The following SRGAP2 variants were observed in gnomAD, a reference collection of about 807,000 sequenced individuals.
SRGAP2 encodes the protein SLIT-ROBO Rho GTPase activating protein 2, also known as SLIT-ROBO Rho GTPase-activating protein 2.
Under a neutral mutation model 57.2 loss-of-function variants are expected in SRGAP2, and 15 were observed. The ratio of observed to expected loss-of-function variants is 0.26; its 90% CI spans 0.18 to 0.40. SRGAP2 has a LOEUF of 0.40. Ranked by LOEUF, SRGAP2 falls within the 10% of genes least tolerant of loss-of-function variation. SRGAP2 has a pLI of 1.00. For synonymous variants in SRGAP2, 249 were observed against 248.0 expected (o/e 1.00, Z -0.04); for missense variants, 520 against 669.6 (o/e 0.78, Z 2.47).
intron 19 of SRGAP2, among the ~76,000 whole-genome samples, chr1:206,452,695 TG>T (rs1663423891): frequency 6.6e-6 from 1 of 152,110 alleles, no homozygotes; most frequent in Middle Eastern, 3.4e-3. Flanking sequence ...AAGACCATCC[TG>T]GCTAACATGG....
At chr1:206,415,352 T>A (rs1346783428) in intron 10 of SRGAP2, among the ~76,000 whole-genome samples, 1 of 152,208 alleles carries the variant, frequency 6.6e-6, no homozygotes, top group African/African-American at 2.4e-5. Context: ...TCCGAAGCTT[T>A]CCATAAAGAC....
rs1428452107 is a variant in SRGAP2 at position 206,248,527 on chromosome 1, G to C, written c.67+42490G>C. ...ACCAGATGCTTTTTGGTCTCCCAAA[G>C]ACCTATCAAACTGCAGATCTTTTGG... On this transcript the variant is annotated intron_variant, in intron 2 of 22. Coordinates refer to ENST00000573034, the MANE Select transcript of SRGAP2 (RefSeq NM_015326.5). Among the ~76,000 whole-genome samples, 11 of 152,236 alleles carry C rather than the reference G, an allele frequency of 7.2e-5. No individual in the cohort carries two copies. The East Asian group carries it at 7.7e-4, about 11-fold the overall frequency.
chr1:206,449,127 G>A (rs1663024444), intron 18 of SRGAP2, among the ~76,000 whole-genome samples: 1 of 152,186 alleles, frequency 6.6e-6, no homozygotes, highest in African/African-American at 2.4e-5. Context: ...ACTACCAGAG[G>A]AAGAACTTTA....
chr1:206,210,596 T>TTG (rs1666257339), intron 2 of SRGAP2, among the ~76,000 whole-genome samples: 1 of 150,066 alleles, frequency 6.7e-6, no homozygotes, highest in South Asian at 2.1e-4. Flanking sequence ...TGGAGTCGTA[T>TTG]TGTGTGTGTA....
chr1:206,290,316 A>T (rs1162342509), intron 2 of SRGAP2, among the ~76,000 whole-genome samples: 5 of 152,194 alleles, frequency 3.3e-5, no homozygotes, highest in Non-Finnish European at 7.3e-5. Context: ...AAGTTAAAGG[A>T]TCAAAGAACC....
intron 19 of SRGAP2, among the ~76,000 whole-genome samples, chr1:206,452,737 T>G (rs1663429733): frequency 6.6e-6 from 1 of 151,812 alleles, no homozygotes; most frequent in African/African-American, 2.4e-5. Context: ...ATACAAAAAA[T>G]TAGCTGGGCG....
intron 11 of SRGAP2, among the ~76,000 whole-genome samples, chr1:206,418,202 G>A (rs1362565938): frequency 1.3e-5 from 2 of 152,106 alleles, no homozygotes; most frequent in Admixed American, 6.5e-5. Context: ...TGTTCTTGCC[G>A]TAGAGGGATA....
At chr1:206,359,841 C>G (rs1262870664) in intron 4 of SRGAP2, among the ~76,000 whole-genome samples, 1 of 106,412 alleles carries the variant, frequency 9.4e-6, no homozygotes, top group Non-Finnish European at 1.7e-5. Flanking sequence ...GAGTCTCGCT[C>G]TGTCGCCCAG....
chr1:206,303,633 T>C (rs1461603818), intron 3 of SRGAP2, among the ~76,000 whole-genome samples, 160 bp downstream of exon 3: 3 of 152,348 alleles, frequency 2.0e-5, no homozygotes, highest in Non-Finnish European at 2.9e-5. Context: ...ATCAGTCTTA[T>C]GTGCAATTCA....
At chr1:206,287,092 G>T (rs1158326576) in intron 2 of SRGAP2, among the ~76,000 whole-genome samples, 68,800 of 151,902 alleles carry the variant, frequency 0.45, 15,782 homozygotes, top group East Asian at 0.69. Context: ...GACTCATTTT[G>T]AAGGTGGAGC....
chr1:206,443,750 G>A (rs933250677), intron 17 of SRGAP2, among the ~76,000 whole-genome samples: 6 of 152,182 alleles, frequency 3.9e-5, no homozygotes, highest in Non-Finnish European at 7.3e-5. Context: ...AGCCTTCAGG[G>A]ACTTCAAAGA....
intron 13 of SRGAP2, among the ~76,000 whole-genome samples, chr1:206,427,638 G>GA (rs1258107801): frequency 6.6e-6 from 1 of 151,640 alleles, no homozygotes; most frequent in Non-Finnish European, 1.5e-5. Context: ...TTCAGAGCCA[G>GA]GGGGGGGATC....
At chr1:206,460,228 T>A (rs782327459) in intron 22 of SRGAP2, among the ~76,000 whole-genome samples, 13 of 152,160 alleles carry the variant, frequency 8.5e-5, no homozygotes, top group Non-Finnish European at 1.3e-4. Flanking sequence ...GACACAGGTT[T>A]ATGGGGAGGG....
In SRGAP2 at chr1:206,447,865, G is replaced by A. The variant is rs115840016; in HGVS notation, c.2099+1566G>A. 2.4e-3 allele frequency among the ~76,000 whole-genome samples: 370 copies of A among 152,246 alleles called. 1 individual carries two copies. Among genetic ancestry groups the A allele is most frequent in the African/African-American group, 8.0e-3 (334 of 41,554 alleles). ...AGAGTCCTGGAGGGGTGTGGCTCAC[G>A]GGGACAGGTGCCTTCCTCCAGTTTC... On this transcript the variant is annotated intron_variant, in intron 18 of 22. Transcript: ENST00000573034.
At chr1:206,451,187 A>G (rs949665485) in intron 19 of SRGAP2, among the ~76,000 whole-genome samples, 4 of 151,964 alleles carry the variant, frequency 2.6e-5, no homozygotes, top group African/African-American at 9.6e-5. Flanking sequence ...GGAACCCAAT[A>G]GAAGCAAGCC....
chr1:206,258,018 C>G (rs1377874729), intron 2 of SRGAP2, among the ~76,000 whole-genome samples: 1 of 151,882 alleles, frequency 6.6e-6, no homozygotes. Context: ...GCATAAGCAC[C>G]GTAAAGGTGG....
chr1:206,399,061 C>T (rs1473698534), intron 7 of SRGAP2, among the ~76,000 whole-genome samples: 2 of 152,156 alleles, frequency 1.3e-5, no homozygotes, highest in Non-Finnish European at 2.9e-5. Context: ...CTGGTGTTAT[C>T]CTCATTTGAG....
chr1:206,347,587 A>AAG (rs1323644584), intron 4 of SRGAP2, among the ~76,000 whole-genome samples: 1 of 150,642 alleles, frequency 6.6e-6, no homozygotes, highest in Non-Finnish European at 1.5e-5. Context: ...AGAAAAAAAG[A>AAG]AGAGAGAGAG....
chr1:206,424,616 T>C (rs1279372425), intron 13 of SRGAP2, among the ~76,000 whole-genome samples: 1 of 152,160 alleles, frequency 6.6e-6, no homozygotes, highest in Non-Finnish European at 1.5e-5. Context: ...GATCATGCCA[T>C]TGTACTCCAG....
Sources: allele counts gnomAD v4.1 joint callset (sites outside exome capture counted in the v4.1 genomes callset), GRCh38; gene constraint gnomAD v4.1.1; transcripts MANE v1.5; gene names NCBI Gene and HGNC (gene_info 2026-07-23, HGNC 2026-07-21).